Variants in RBFOX1 observed in about 807,000 individuals in gnomAD.
RBFOX1 encodes the protein RNA binding fox-1 homolog 1.
RBFOX1 carries 8 observed loss-of-function variants against 57.7 expected under a neutral mutation model. The observed-to-expected ratio is 0.14, with a 90% CI of 0.08 to 0.25. The LOEUF (loss-of-function observed/expected upper bound fraction) is 0.25, where lower values mean the gene tolerates loss of function less well. RBFOX1 is among the 10% of genes least tolerant of loss of function. The pLI, the probability that RBFOX1 is intolerant of heterozygous loss-of-function variation, is 1.00. For missense variants in RBFOX1, 611 were observed against 548.5 expected (o/e 1.11, Z -1.14); for synonymous variants, 326 against 222.4 (o/e 1.47, Z -4.15).
chr16:6,024,287 T>C (rs1252332373), intron 1 of RBFOX1, among the ~76,000 whole-genome samples: 1 of 152,178 alleles, frequency 6.6e-6, no homozygotes, highest in Admixed American at 6.5e-5. Context: ...TTGTAGCTTA[T>C]ATTGTCGTGG....
chr16:7,689,605 C>G (rs2076891487), intron 14 of RBFOX1, among the ~76,000 whole-genome samples: 1 of 152,002 alleles, frequency 6.6e-6, no homozygotes, highest in Non-Finnish European at 1.5e-5. Context: ...GCACTCTAGG[C>G]ATTCTTATCT....
intron 3 of RBFOX1, among the ~76,000 whole-genome samples, chr16:6,790,226 C>T (rs777496952): frequency 6.8e-6 from 1 of 147,968 alleles, no homozygotes; most frequent in Non-Finnish European, 1.5e-5. Context: ...GCTCTGTCAG[C>T]CAGGCTGGAA....
rs1392709237 is a variant in RBFOX1, at chr16:6,317,532, G to A, written c.-64+475G>A. Among the ~76,000 whole-genome samples, 3 of 131,108 alleles carry A rather than the reference G, an allele frequency of 2.3e-5. No individual in the cohort carries two copies. In the South Asian group the frequency reaches 7.9e-4, roughly 34 times the overall value. 86.0% of individuals were successfully genotyped at this position (131,108 alleles called of 152,430 possible). On this transcript the variant is annotated intron_variant, in intron 2 of 15. Transcript: ENST00000550418. ...GAGCTGGAATACATGACTATGATCT[G>A]AAAATTACTGCAAAAAAAAAAGAAA...
intron 4 of RBFOX1, among the ~76,000 whole-genome samples, chr16:7,253,565 C>G (rs2094567144): frequency 6.6e-6 from 1 of 152,186 alleles, no homozygotes; most frequent in African/African-American, 2.4e-5. Flanking sequence ...TGAGTCATTT[C>G]TGGATGTCTC....
chr16:7,239,826 A>G (rs2093965898), intron 4 of RBFOX1, among the ~76,000 whole-genome samples: 1 of 152,204 alleles, frequency 6.6e-6, no homozygotes, highest in South Asian at 2.1e-4. Flanking sequence ...AATATCATTT[A>G]TATTCATTTT....
chr16:6,871,219 T>C (rs1281487076), intron 3 of RBFOX1, among the ~76,000 whole-genome samples: 1 of 152,190 alleles, frequency 6.6e-6, no homozygotes, highest in Non-Finnish European at 1.5e-5. Context: ...GGAGTGTTGC[T>C]CTGTCCCCCA....
chr16:5,820,055 C>G (rs1200390373), intron 3 of RBFOX1, among the ~76,000 whole-genome samples: 3 of 152,220 alleles, frequency 2.0e-5, no homozygotes, highest in African/African-American at 4.8e-5. Flanking sequence ...TTACTGCACA[C>G]TCACTGTGTC....
In RBFOX1 at chr16:7,710,036, C is replaced by T. The variant is rs1245938953; in HGVS notation, c.1072-587C>T. 3.0e-6 allele frequency: 3 copies of T among 1,005,130 alleles called. 1 individual carries two copies. Among genetic ancestry groups the T allele is most frequent in the South Asian group, 8.8e-5 (2 of 22,840 alleles). 62.3% of individuals were successfully genotyped at this position (1,005,130 alleles called of 1,614,324 possible). A position where few individuals can be genotyped will look rare whatever the true frequency, so the allele number is the denominator to read the frequency against. On this transcript the variant is annotated intron_variant, in intron 15 of 15. Coordinates refer to ENST00000550418, the MANE Select transcript of RBFOX1 (RefSeq NM_018723.4). ...TGTAGCCATTAAAACCATGGCCGGA[C>T]AGTTCACTGAAGCTCAGTCATAGAA...
intron 3 of RBFOX1, among the ~76,000 whole-genome samples, chr16:6,996,602 A>G (rs1481500185): frequency 6.6e-6 from 1 of 152,176 alleles, no homozygotes; most frequent in Non-Finnish European, 1.5e-5. Context: ...TGCTTTAGGC[A>G]CTGTATTTTC....
chr16:6,179,909 G>A (rs1252180830), intron 1 of RBFOX1, among the ~76,000 whole-genome samples: 1 of 152,148 alleles, frequency 6.6e-6, no homozygotes, highest in Non-Finnish European at 1.5e-5. Context: ...CTATTCCTCG[G>A]TTGTGAGGGT....
At chr16:5,828,388 C>A (rs2056148026) in intron 3 of RBFOX1, among the ~76,000 whole-genome samples, 1 of 152,160 alleles carries the variant, frequency 6.6e-6, no homozygotes, top group Non-Finnish European at 1.5e-5. Flanking sequence ...GAGTGAGTGA[C>A]ATCTTAATCT....
intron 4 of RBFOX1, among the ~76,000 whole-genome samples, chr16:7,138,428 C>T (rs960556267): frequency 6.6e-6 from 1 of 152,206 alleles, no homozygotes; most frequent in Non-Finnish European, 1.5e-5. Context: ...TCCTTATTGG[C>T]AACGTGGAGG....
intron 3 of RBFOX1, among the ~76,000 whole-genome samples, chr16:6,738,079 T>TAAA (rs60577324): frequency 0.14 from 19,497 of 140,028 alleles, 1,444 homozygotes; most frequent in South Asian, 0.24. Context: ...CGGTAATTCT[T>TAAA]AAAAAAAAAA....
At chr16:5,731,450 G>A (rs1011760831) in intron 3 of RBFOX1, among the ~76,000 whole-genome samples, 2 of 152,178 alleles carry the variant, frequency 1.3e-5, no homozygotes, top group African/African-American at 2.4e-5. Flanking sequence ...CTTAGAAGGT[G>A]GGTACTGTTG....
intron 1 of RBFOX1, among the ~76,000 whole-genome samples, chr16:6,057,509 G>C (rs1419882880): frequency 6.6e-6 from 1 of 151,908 alleles, no homozygotes; most frequent in Non-Finnish European, 1.5e-5. Context: ...TAGGCTTTGG[G>C]AATACAATGT....
intron 4 of RBFOX1, among the ~76,000 whole-genome samples, chr16:7,188,087 A>G (rs926884359): frequency 5.9e-5 from 9 of 152,166 alleles, no homozygotes; most frequent in Non-Finnish European, 1.2e-4. Flanking sequence ...TTTGCATGCA[A>G]TGTGGAATAT....
chr16:6,996,884 C>G (rs1033966087), intron 3 of RBFOX1, among the ~76,000 whole-genome samples: 1 of 152,064 alleles, frequency 6.6e-6, no homozygotes, highest in African/African-American at 2.4e-5. Context: ...TCTGTAGTCA[C>G]AGAGTTAGAA....
At chr16:6,584,136 G>C (rs1398013781) in intron 2 of RBFOX1, among the ~76,000 whole-genome samples, 4 of 151,770 alleles carry the variant, frequency 2.6e-5, no homozygotes, top group Non-Finnish European at 5.9e-5. Flanking sequence ...AATGTATTCT[G>C]TGTTCCTATT....
chr16:5,698,130 A>G (rs1281019324), intron 3 of RBFOX1, among the ~76,000 whole-genome samples: 1 of 152,188 alleles, frequency 6.6e-6, no homozygotes, highest in Admixed American at 6.5e-5. Context: ...GATGAATCCC[A>G]TTGGAAACTG....
Sources: allele counts gnomAD v4.1 joint callset (sites outside exome capture counted in the v4.1 genomes callset), GRCh38; gene constraint gnomAD v4.1.1; transcripts MANE v1.5; gene names NCBI Gene and HGNC (gene_info 2026-07-23, HGNC 2026-07-21).